Variants in DNAH12 observed in about 807,000 individuals in gnomAD.
DNAH12 encodes the protein axonemal beta dynein heavy chain 12.
DNAH12 carries 285 observed loss-of-function variants against 371.5 expected under a neutral mutation model. The ratio of observed to expected loss-of-function variants is 0.77; its 90% CI spans 0.70 to 0.85. The LOEUF (loss-of-function observed/expected upper bound fraction) is 0.85, where lower values mean the gene tolerates loss of function less well. Ranked by LOEUF, DNAH12 falls within the 40% of genes least tolerant of loss-of-function variation. The pLI, the probability that DNAH12 is intolerant of heterozygous loss-of-function variation, is 0.00. For synonymous variants in DNAH12, 1,200 were observed against 1,213.0 expected (o/e 0.99, Z 0.22); for missense variants, 3,611 against 3,689.4 (o/e 0.98, Z 0.55).
chr3:57,312,072 T>TATAAGAGAAA (rs754842945), intron 66 of DNAH12, among the ~76,000 whole-genome samples: 11 of 152,112 alleles, frequency 7.2e-5, no homozygotes, highest in Non-Finnish European at 1.5e-4. Context: ...ATTGGGATGG[T>TATAAGAGAAA]ATAAGTTGTG....
At chr3:57,438,675 G>A (rs564442274) in intron 29 of DNAH12, among the ~76,000 whole-genome samples, 7 of 151,962 alleles carry the variant, frequency 4.6e-5, no homozygotes, top group African/African-American at 9.6e-5. Flanking sequence ...CAATCCGGCC[G>A]GGCGCGGTGG....
intron 9 of DNAH12, among the ~76,000 whole-genome samples, 197 bp downstream of exon 9, chr3:57,503,819 A>G (rs1351173812): frequency 6.6e-6 from 1 of 152,212 alleles, no homozygotes; most frequent in Non-Finnish European, 1.5e-5. Context: ...ATTCATAGCT[A>G]CAAGAAAAGT....
At chr3:57,404,037 A>G (rs2063950186) in intron 42 of DNAH12, among the ~76,000 whole-genome samples, 1 of 152,184 alleles carries the variant, frequency 6.6e-6, no homozygotes, top group African/African-American at 2.4e-5. Flanking sequence ...ACTTTAAAAG[A>G]TGTTTTGGCA....
chr3:57,462,393 A>C (rs2066080318), intron 18 of DNAH12, among the ~76,000 whole-genome samples: 3 of 152,102 alleles, frequency 2.0e-5, no homozygotes, highest in Admixed American at 6.6e-5. Flanking sequence ...CTGGGATTAC[A>C]GGCACCCACT....
chr3:57,310,508 T>C (rs1048048555), intron 67 of DNAH12, among the ~76,000 whole-genome samples: 1 of 152,140 alleles, frequency 6.6e-6, no homozygotes, highest in Non-Finnish European at 1.5e-5. Context: ...AAGGCAGACA[T>C]GTGCAGACCA....
intron 15 of DNAH12, among the ~76,000 whole-genome samples, 154 bp downstream of exon 15, chr3:57,471,314 TTAGA>T (rs1365874611): frequency 1.3e-5 from 2 of 149,262 alleles, no homozygotes; most frequent in African/African-American, 2.4e-5. Context: ...TATTATAGTA[TTAGA>T]TAAATATATA....
intron 42 of DNAH12, among the ~76,000 whole-genome samples, chr3:57,404,561 C>CA (rs1186490372): frequency 4.0e-5 from 6 of 150,656 alleles, no homozygotes; most frequent in Non-Finnish European, 7.4e-5. Context: ...ACTAAAAATA[C>CA]AAAAAAAAAT....
At chr3:57,414,912 C>T (rs1296372497) in intron 38 of DNAH12, among the ~76,000 whole-genome samples, 1 of 152,050 alleles carries the variant, frequency 6.6e-6, no homozygotes, top group African/African-American at 2.4e-5. Context: ...CAATTAGAAA[C>T]AGTTTCATGA....
chr3:57,402,480 T>A (rs2063901081), intron 43 of DNAH12: 4 of 1,256,724 alleles, frequency 3.2e-6, no homozygotes, highest in Non-Finnish European at 4.2e-6. Flanking sequence ...GCCATCAACA[T>A]CATCATCAGG....
Position 57,293,810 on chromosome 3 carries a change from C to T in DNAH12, c.11854G>A (p.Val3952Ile). The change falls in exon 74 of 74, where the codon GTT (valine) becomes ATT (isoleucine). Residue 3952 changes from valine (V) to isoleucine (I), a missense_variant. Physicochemically the swap from Val to Ile is conservative, Grantham distance 29. Coordinates refer to ENST00000495027, the MANE Select transcript of DNAH12 (RefSeq NM_001366028.2). ...TCATCCAACTGACAAAGCAAAGCAA[C>T]CCCGCGCTTGATCCAGTGCCGAGTA... ...QPTRHWIKRG[V>I]ALLCQLDD is the part of the protein sequence containing the mutation. 1 of 1,544,338 alleles carries T rather than the reference C, an allele frequency of 6.5e-7. No individual in the cohort carries two copies. Among genetic ancestry groups the T allele is most frequent in the Non-Finnish European group, 8.7e-7 (1 of 1,143,086 alleles).
Position 57,483,381 on chromosome 3 carries a change from T to G in DNAH12, c.1645A>C (p.Ile549Leu). 1 of 1,542,880 alleles carries G rather than the reference T, an allele frequency of 6.5e-7. No individual in the cohort carries two copies. The highest frequency in any genetic ancestry group is 8.7e-7 in the Non-Finnish European group (1 of 1,145,100). Residue 549 changes from isoleucine to leucine, a missense_variant, in exon 13 of 74, where the codon ATC (isoleucine) becomes CTC (leucine). This residue lies in a region of DNAH12 where 1,314 missense variants were observed against 1,398.7 expected (regional missense o/e 0.94). Transcript: ENST00000495027. Reference protein sequence around the residue: ...TVGIEELILRIQESKRQMSYF... With the variant: ...TVGIEELILRLQESKRQMSYF... ...TGCAAATTAAAATTCCTTACCTGGA[T>G]CCTTAAAATCAACTCTTCGATTCCT... is the stretch of plus-strand genomic sequence containing the variant.
chr3:57,405,767 G>A lies in DNAH12; in HGVS notation c.6462C>T (p.Leu2154=), dbSNP rs890676756. Reference sequence around the variant, plus strand: ...GCCATCTTCGATCATCATCATTAATGAGGCGATCATAAAACACTCGGAGAA... The same window carrying A: ...GCCATCTTCGATCATCATCATTAATAAGGCGATCATAAAACACTCGGAGAA... ...HEVLRVFYDR[L]INDDDRRWLF... is the part of the protein sequence containing the mutation. Residue 2154 remains leucine (L), a synonymous_variant, in exon 41 of 74, where the codon CTC becomes CTT. Transcript: ENST00000495027. 1.9e-6 allele frequency: 3 copies of A among 1,551,584 alleles called. No individual in the cohort carries two copies. In the East Asian group the frequency reaches 7.3e-5, roughly 38 times the overall value.
intron 35 of DNAH12, 92 bp from the exon 36 acceptor site, chr3:57,421,798 C>G: frequency 7.3e-7 from 1 of 1,375,076 alleles, no homozygotes; most frequent in Non-Finnish European, 1.0e-6. Context: ...TTAGGATATG[C>G]TCAACTTACT....
At chr3:57,412,875 T>A (rs1553683449) in intron 39 of DNAH12, among the ~76,000 whole-genome samples, 1 of 152,214 alleles carries the variant, frequency 6.6e-6, no homozygotes, top group East Asian at 1.9e-4. Flanking sequence ...GAAGGTAGTT[T>A]GGTGGTTTCT....
intron 62 of DNAH12, among the ~76,000 whole-genome samples, chr3:57,323,870 C>T (rs1425799336): frequency 6.6e-6 from 1 of 152,152 alleles, no homozygotes; most frequent in Non-Finnish European, 1.5e-5. Context: ...TGATCCTAAA[C>T]ATATGAGGGA....
chr3:57,339,117 C>T (rs1175260544), intron 60 of DNAH12, among the ~76,000 whole-genome samples: 1 of 152,154 alleles, frequency 6.6e-6, no homozygotes, highest in African/African-American at 2.4e-5. Context: ...TGTGTCAACT[C>T]AGGGTTAAAT....
intron 2 of DNAH12, among the ~76,000 whole-genome samples, chr3:57,525,756 C>CTTTTTTTTTTTTTT (rs776184662): frequency 2.6e-5 from 2 of 76,272 alleles, no homozygotes; most frequent in African/African-American, 5.4e-5. Flanking sequence ...ATGTCTTATT[C>CTTTTTTTTTTTTTT]TTTTTTTTTT....
intron 67 of DNAH12, 24 bp from the exon 68 acceptor site, chr3:57,309,878 GCAT>G: frequency 6.5e-7 from 1 of 1,537,306 alleles, no homozygotes; most frequent in Non-Finnish European, 8.8e-7. Context: ...AATTAAGCAT[GCAT>G]CATATTTTCC....
chr3:57,428,372 T>G (rs1483845651), intron 34 of DNAH12: 3 of 1,354,306 alleles, frequency 2.2e-6, no homozygotes, highest in Non-Finnish European at 3.0e-6. Flanking sequence ...GGCACATATT[T>G]AAAATAATTT....
Sources: allele counts gnomAD v4.1 joint callset (sites outside exome capture counted in the v4.1 genomes callset), GRCh38; gene constraint gnomAD v4.1.1; regional missense constraint gnomAD v4.1.1; transcripts MANE v1.5; gene names NCBI Gene and HGNC (gene_info 2026-07-23, HGNC 2026-07-21).